Variants in SLCO3A1 observed in about 807,000 individuals in gnomAD.
SLCO3A1 encodes the protein solute carrier organic anion transporter family member 3A1.
In SLCO3A1, 27 loss-of-function variants were observed where a neutral mutation model predicts 63.1. That is an observed-to-expected ratio of 0.43 (90% CI 0.32 to 0.59). SLCO3A1 has a LOEUF of 0.59. SLCO3A1 is among the 20% of genes least tolerant of loss of function. The pLI, the probability that SLCO3A1 is intolerant of heterozygous loss-of-function variation, is 0.09. For synonymous variants in SLCO3A1, 473 were observed against 409.9 expected (o/e 1.15, Z -1.86); for missense variants, 773 against 945.8 (o/e 0.82, Z 2.40).
At chr15:91,976,828 G>C (rs1277406324) in intron 2 of SLCO3A1, among the ~76,000 whole-genome samples, 2 of 152,052 alleles carry the variant, frequency 1.3e-5, no homozygotes, top group African/African-American at 4.8e-5. Context: ...ATAGGTGTGG[G>C]TCACAGACAT....
chr15:92,000,913 G>A (rs77988568), intron 2 of SLCO3A1, among the ~76,000 whole-genome samples: 2,191 of 152,150 alleles, frequency 0.014, 62 homozygotes, highest in African/African-American at 0.05. Context: ...GCTGAGTCTG[G>A]GGTAGTTGGA....
intron 2 of SLCO3A1, among the ~76,000 whole-genome samples, chr15:92,040,202 C>T (rs561791024): frequency 4.2e-4 from 64 of 152,230 alleles, no homozygotes; most frequent in African/African-American, 1.5e-3. Flanking sequence ...TATCCCAGAA[C>T]TCAAAGTAAA....
chr15:92,094,293 G>A (rs368736944), intron 2 of SLCO3A1, among the ~76,000 whole-genome samples: 40 of 152,280 alleles, frequency 2.6e-4, no homozygotes, highest in East Asian at 1.5e-3. Flanking sequence ...ACTTCAAAAC[G>A]TGGACAGAAA....
chr15:92,171,946 C>A (rs1481368426), exon 11 of SLCO3A1: 1 of 1,002,068 alleles, frequency 1.0e-6, no homozygotes, highest in Non-Finnish European at 1.5e-6. Context: ...GCGCTCCTCC[C>A]TGTCCGAGAA....
chr15:91,984,210 C>T lies in SLCO3A1; in HGVS notation c.646+67752C>T, dbSNP rs140467011. 3.5e-4 allele frequency among the ~76,000 whole-genome samples: 53 copies of T among 152,234 alleles called. No individual in the cohort carries two copies. In the East Asian group the frequency reaches 9.7e-3, roughly 28 times the overall value. On this transcript the variant is annotated intron_variant, in intron 2 of 9. Transcript: ENST00000318445. ...CTCTTTGTTGGCCTTTTCCAGGAGGCGGTAGTGGGAACTCAGTGCGATGAC... is the reference window on the plus strand; with the variant it reads ...CTCTTTGTTGGCCTTTTCCAGGAGGTGGTAGTGGGAACTCAGTGCGATGAC...
chr15:92,035,614 G>A (rs988256459), intron 2 of SLCO3A1, among the ~76,000 whole-genome samples: 2 of 151,648 alleles, frequency 1.3e-5, no homozygotes, highest in Non-Finnish European at 3.0e-5. Flanking sequence ...TTTAGAGAGG[G>A]AGGACAAAGC....
chr15:91,902,027 T>C (rs1294103308), intron 1 of SLCO3A1, among the ~76,000 whole-genome samples: 1 of 152,190 alleles, frequency 6.6e-6, no homozygotes, highest in African/African-American at 2.4e-5. Flanking sequence ...TGGTTCAGAT[T>C]GCATAATTCT....
At chr15:91,984,531 G>A (rs780862503) in intron 2 of SLCO3A1, among the ~76,000 whole-genome samples, 2 of 152,110 alleles carry the variant, frequency 1.3e-5, no homozygotes, top group Non-Finnish European at 2.9e-5. Flanking sequence ...GTTGTGATAA[G>A]TACCAACAAT....
intron 2 of SLCO3A1, among the ~76,000 whole-genome samples, chr15:92,088,580 T>C (rs930695676): frequency 1.3e-5 from 2 of 152,176 alleles, no homozygotes; most frequent in Non-Finnish European, 2.9e-5. Context: ...CCATATTGGG[T>C]CCTACTGGGC....
intron 7 of SLCO3A1, among the ~76,000 whole-genome samples, chr15:92,141,455 A>ATATATATATT (rs2048130820): frequency 6.6e-6 from 1 of 152,184 alleles, no homozygotes; most frequent in Admixed American, 6.5e-5. Flanking sequence ...AAATAGAACT[A>ATATATATATT]TGCTATTGGG....
intron 2 of SLCO3A1, among the ~76,000 whole-genome samples, chr15:91,979,569 GA>G (rs970412588): frequency 1.3e-4 from 19 of 151,048 alleles, no homozygotes; most frequent in East Asian, 1.9e-4. Context: ...TTTATCCACG[GA>G]AAAAAAAATT....
chr15:92,094,850 G>C, intron 2 of SLCO3A1, 31 bp from the exon 3 acceptor site: 2 of 1,429,258 alleles, frequency 1.4e-6, no homozygotes, highest in Non-Finnish European at 2.0e-6. Context: ...CTTCTGTTTT[G>C]TAATCTATTT....
intron 2 of SLCO3A1, among the ~76,000 whole-genome samples, chr15:92,069,562 A>T (rs957193992): frequency 1.3e-5 from 2 of 152,194 alleles, no homozygotes; most frequent in African/African-American, 4.8e-5. Flanking sequence ...GGCTTGTGTG[A>T]TCCAGTCCTG....
At chr15:91,898,719 T>A (rs1056495782) in intron 1 of SLCO3A1, among the ~76,000 whole-genome samples, 4 of 150,958 alleles carry the variant, frequency 2.6e-5, no homozygotes, top group Non-Finnish European at 5.9e-5. Flanking sequence ...TACTTCTGGG[T>A]GGGGGAGGGA....
In SLCO3A1 at chr15:92,052,815, C is replaced by T. The variant is rs145860156; in HGVS notation, c.647-42066C>T. 4.3e-3 allele frequency among the ~76,000 whole-genome samples: 539 copies of T among 125,296 alleles called. 5 individuals carry two copies. The highest frequency in any genetic ancestry group is 0.013 in the African/African-American group (502 of 39,110). 82.2% of individuals were successfully genotyped at this position (125,296 alleles called of 152,430 possible). A position where few individuals can be genotyped will look rare whatever the true frequency, so the allele number is the denominator to read the frequency against. On this transcript the variant is annotated intron_variant, in intron 2 of 9. Coordinates refer to ENST00000318445, the MANE Select transcript of SLCO3A1 (RefSeq NM_013272.4). ...AGTACATTTTATATTTATATAAATACATTTTAATTTTTTTTTTCCTTTTAC... is the reference window on the plus strand; with the variant it reads ...AGTACATTTTATATTTATATAAATATATTTTAATTTTTTTTTTCCTTTTAC...
chr15:92,082,658 T>C (rs1301321553), intron 2 of SLCO3A1, among the ~76,000 whole-genome samples: 1 of 152,202 alleles, frequency 6.6e-6, no homozygotes, highest in East Asian at 1.9e-4. Flanking sequence ...TATCAGAAGA[T>C]TTGCATGCAT....
Position 91,955,953 on chromosome 15 carries a change from T to C in SLCO3A1, c.646+39495T>C, listed in dbSNP as rs181216472. Among the ~76,000 whole-genome samples the C allele has an allele frequency of 3.6e-3, 542 of 152,260 alleles. 2 individuals carry two copies. The highest frequency in any genetic ancestry group is 0.013 in the African/African-American group (526 of 41,556). ...CTGGTGAATATGCCAACAGAAGGTA[T>C]TGTTTTTACTATTATTACTGTTATT... On this transcript the variant is annotated intron_variant, in intron 2 of 9. Transcript: ENST00000318445.
intron 1 of SLCO3A1, among the ~76,000 whole-genome samples, chr15:91,905,120 A>G (rs1898262828): frequency 6.6e-6 from 1 of 152,212 alleles, no homozygotes; most frequent in East Asian, 1.9e-4. Flanking sequence ...ATTCCTGGGA[A>G]CCAAAGCAAA....
intron 2 of SLCO3A1, among the ~76,000 whole-genome samples, chr15:91,933,885 T>C (rs1899316437): frequency 6.6e-6 from 1 of 152,188 alleles, no homozygotes; most frequent in Non-Finnish European, 1.5e-5. Context: ...ATTTTCTGAT[T>C]TTTATGAGTC....
Sources: gnomAD v4.1 joint callset for allele counts (sites outside exome capture counted in the v4.1 genomes callset) on GRCh38, gnomAD v4.1.1 for gene constraint, MANE v1.5 for transcripts, NCBI Gene and HGNC (gene_info 2026-07-23, HGNC 2026-07-21) for gene names.